Variants in NOS1AP observed in about 807,000 individuals in gnomAD.
The protein encoded by NOS1AP is carboxyl-terminal PDZ ligand of neuronal nitric oxide synthase protein.
In NOS1AP, 21 loss-of-function variants were observed where a neutral mutation model predicts 56.2. The observed-to-expected ratio is 0.37, with a 90% CI of 0.26 to 0.54. The LOEUF is 0.54. NOS1AP is among the 20% of genes least tolerant of loss of function. The pLI is 0.84. For missense variants in NOS1AP, 522 were observed against 657.8 expected (o/e 0.79, Z 2.26); for synonymous variants, 270 against 274.6 (o/e 0.98, Z 0.17).
chr1:162,341,503 T>A (rs1049531425), intron 5 of NOS1AP, among the ~76,000 whole-genome samples: 2 of 152,216 alleles, frequency 1.3e-5, no homozygotes, highest in African/African-American at 4.8e-5. Flanking sequence ...ACTTACCATA[T>A]TTTATTGTTA....
In NOS1AP at chr1:162,271,585, TC is replaced by T. The variant is rs375873538; in HGVS notation, c.178-15758del. ...GAATGGAAGAAATCAGTTCAGCCTT[TC>T]GTGTGTGCTGGTTCTCAGAGCATGA... On this transcript the variant is annotated intron_variant, in intron 2 of 9. Transcript: ENST00000361897. Among the ~76,000 whole-genome samples the T allele has an allele frequency of 7.2e-4, 110 of 152,330 alleles. 2 individuals are homozygous for T. In the East Asian group the frequency reaches 0.02, roughly 28 times the overall value.
chr1:162,137,801 C>T (rs1649066697), intron 1 of NOS1AP, among the ~76,000 whole-genome samples: 1 of 152,068 alleles, frequency 6.6e-6, no homozygotes, highest in Admixed American at 6.6e-5. Flanking sequence ...TATACCTAGA[C>T]GGGCATTTCT....
chr1:162,199,256 T>TA (rs1488739143), intron 2 of NOS1AP, among the ~76,000 whole-genome samples: 1 of 152,208 alleles, frequency 6.6e-6, no homozygotes, highest in Non-Finnish European at 1.5e-5. Flanking sequence ...GAATCTCGCA[T>TA]AGATGTTCCT....
intron 2 of NOS1AP, among the ~76,000 whole-genome samples, chr1:162,238,547 G>C (rs930032256): frequency 6.6e-6 from 1 of 152,066 alleles, no homozygotes; most frequent in Non-Finnish European, 1.5e-5. Context: ...TGCATACCAA[G>C]AGCCAATTGT....
chr1:162,253,135 T>C (rs1653921356), intron 2 of NOS1AP, among the ~76,000 whole-genome samples: 1 of 152,174 alleles, frequency 6.6e-6, no homozygotes, highest in African/African-American at 2.4e-5. Context: ...TTAATGTCAT[T>C]ATGGAGGGAG....
At chr1:162,283,000 G>A (rs947547019) in intron 2 of NOS1AP, among the ~76,000 whole-genome samples, 3 of 152,142 alleles carry the variant, frequency 2.0e-5, no homozygotes, top group African/African-American at 7.2e-5. Context: ...AGGTGAGAGA[G>A]TGTATCACCA....
At chr1:162,112,420 C>T (rs1336777993) in intron 1 of NOS1AP, among the ~76,000 whole-genome samples, 1 of 152,180 alleles carries the variant, frequency 6.6e-6, no homozygotes, top group Non-Finnish European at 1.5e-5. Context: ...TGTTACTGGG[C>T]TTTGACTGTG....
At chr1:162,253,164 G>A (rs903748320) in intron 2 of NOS1AP, among the ~76,000 whole-genome samples, 1 of 152,142 alleles carries the variant, frequency 6.6e-6, no homozygotes, top group African/African-American at 2.4e-5. Flanking sequence ...TTGTAAAAGG[G>A]CGAGTTTGGC....
rs75779954 is a variant in NOS1AP at position 162,110,969 on chromosome 1, G to C, written c.105+40687G>C. On this transcript the variant is annotated intron_variant, in intron 1 of 9. Transcript: ENST00000361897. ...ATTCATTCAATAGCAGATATTTATT[G>C]AGCATTTACTCTATGCCAGGTACTG... Among the ~76,000 whole-genome samples the C allele has an allele frequency of 4.6e-5, 7 of 152,296 alleles. 1 individual carries two copies. In the East Asian group the frequency reaches 1.4e-3, roughly 29 times the overall value.
rs908371716 is a variant in NOS1AP, at chr1:162,327,109, A to G, written c.345-5908A>G. On this transcript the variant is annotated intron_variant, in intron 4 of 9. Coordinates refer to ENST00000361897, the MANE Select transcript of NOS1AP (RefSeq NM_014697.3). ...AGGCTTATGGAAAAGGCTGAAGATG[A>G]GAGAAAAAGGGGTGTGAAGGAAGAG... Among the ~76,000 whole-genome samples, 3 of 152,336 alleles carry G rather than the reference A, an allele frequency of 2.0e-5. No individual in the cohort carries two copies. In the East Asian group the frequency reaches 5.8e-4, roughly 29 times the overall value.
At chr1:162,295,350 T>C (rs1161106802) in intron 3 of NOS1AP, among the ~76,000 whole-genome samples, 1 of 152,240 alleles carries the variant, frequency 6.6e-6, no homozygotes, top group African/African-American at 2.4e-5. Flanking sequence ...GGATTTCTTT[T>C]TTTTAAAGGA....
intron 1 of NOS1AP, among the ~76,000 whole-genome samples, chr1:162,131,853 C>T (rs1648764538): frequency 1.3e-5 from 2 of 152,202 alleles, no homozygotes; most frequent in South Asian, 2.1e-4. Context: ...GGCATTATTC[C>T]CTGTACTGCT....
In NOS1AP at chr1:162,078,620, CT is replaced by C. The variant is rs201587266; in HGVS notation, c.105+8339del. On this transcript the variant is annotated intron_variant, in intron 1 of 9. Coordinates refer to ENST00000361897, the MANE Select transcript of NOS1AP (RefSeq NM_014697.3). ...GTGTCCCACTTGTTCTCTGATCCCC[CT>C]CATCCCTTAAACTTTTGCCCTATCA... 8.4e-3 allele frequency among the ~76,000 whole-genome samples: 1,276 copies of C among 152,316 alleles called. 12 individuals carry two copies. The highest frequency in any genetic ancestry group is 0.023 in the South Asian group (109 of 4,826).
intron 2 of NOS1AP, among the ~76,000 whole-genome samples, chr1:162,224,780 A>G (rs1225263767): frequency 1.3e-5 from 2 of 152,086 alleles, no homozygotes; most frequent in Admixed American, 1.3e-4. Flanking sequence ...TTCCCAGGAG[A>G]ATTGACCAGA....
rs564174779 is a variant in NOS1AP at position 162,349,569 on chromosome 1, G to A, written c.595+5593G>A. Among the ~76,000 whole-genome samples the A allele has an allele frequency of 5.3e-5, 8 of 152,276 alleles. No individual in the cohort carries two copies. In the South Asian group the frequency reaches 6.2e-4, roughly 12 times the overall value. ...AATTTCATGCTCTCTCTGGAGCTTC[G>A]TTTTCTCATCTCTCTGGTATTGTGA... On this transcript the variant is annotated intron_variant, in intron 6 of 9. Coordinates refer to ENST00000361897, the MANE Select transcript of NOS1AP (RefSeq NM_014697.3).
chr1:162,365,236 C>T (rs1571249263), intron 8 of NOS1AP, 168 bp from the exon 9 acceptor site: 8 of 1,475,300 alleles, frequency 5.4e-6, no homozygotes, highest in East Asian at 4.9e-5. Flanking sequence ...TTTGGCTCCT[C>T]CTCTGGAATG....
intron 2 of NOS1AP, among the ~76,000 whole-genome samples, chr1:162,190,884 T>C (rs759028946): frequency 2.6e-5 from 4 of 152,112 alleles, no homozygotes; most frequent in Non-Finnish European, 5.9e-5. Flanking sequence ...TCCCTTAATG[T>C]CTGAGAACCT....
At chr1:162,127,716 A>C (rs1041596199) in intron 1 of NOS1AP, among the ~76,000 whole-genome samples, 1 of 152,186 alleles carries the variant, frequency 6.6e-6, no homozygotes, top group Non-Finnish European at 1.5e-5. Context: ...ACACACTTTT[A>C]AATGACCAGA....
At chr1:162,173,930 G>T (rs150439467) in intron 2 of NOS1AP, among the ~76,000 whole-genome samples, 6,501 of 152,280 alleles carry the variant, frequency 0.043, 293 homozygotes, top group African/African-American at 0.11. Context: ...AGAGGATGTG[G>T]AGAAGTAGGA....
Sources: gnomAD v4.1 joint callset for allele counts (sites outside exome capture counted in the v4.1 genomes callset) on GRCh38, gnomAD v4.1.1 for gene constraint, MANE v1.5 for transcripts, NCBI Gene and HGNC (gene_info 2026-07-23, HGNC 2026-07-21) for gene names.